The following ADGB variants were observed in gnomAD, a reference collection of about 807,000 sequenced individuals.
The protein encoded by ADGB is calpain-7-like protein.
A neutral mutation model predicts 210.5 loss-of-function variants in ADGB; 172 were observed. That is an observed-to-expected ratio of 0.82 (90% CI 0.72 to 0.93). The LOEUF (loss-of-function observed/expected upper bound fraction) is 0.93, where lower values mean the gene tolerates loss of function less well. ADGB is among the 40% of genes least tolerant of loss of function. The pLI, the probability that ADGB is intolerant of heterozygous loss-of-function variation, is 0.00. For missense variants in ADGB, 2,025 were observed against 1,964.8 expected, an observed-to-expected ratio of 1.03 and a Z score of -0.58; for synonymous variants, 658 against 662.7, an observed-to-expected ratio of 0.99 and a Z score of 0.11.
chr6:146,723,326 G>A lies in ADGB; in HGVS notation c.2096-860G>A, dbSNP rs78367702. 3.9e-5 allele frequency among the ~76,000 whole-genome samples: 6 copies of A among 152,220 alleles called. No individual in the cohort carries two copies. The East Asian group carries it at 9.6e-4, about 24-fold the overall frequency. On this transcript the variant is annotated intron_variant, in intron 17 of 35. Transcript: ENST00000397944. The stretch of plus-strand genomic sequence containing the variant: ...AATTATTTTGCCCTCAGTCATTGAT[G>A]AACAATTAGCCTATATTATTTATCC...
At chr6:146,599,166 A>C in intron 1 of ADGB, 52 bp downstream of exon 1, 8 of 1,490,904 alleles carry the variant, frequency 5.4e-6, no homozygotes, top group Non-Finnish European at 7.3e-6. Flanking sequence ...CCTCGACCTC[A>C]CCACTAGTTC....
intron 12 of ADGB, among the ~76,000 whole-genome samples, chr6:146,697,198 G>A (rs940804860): frequency 3.3e-5 from 5 of 152,164 alleles, no homozygotes; most frequent in African/African-American, 1.2e-4. Context: ...GTAAAGCTGG[G>A]TCTGAAGTTT....
At chr6:146,791,424 G>T (rs1288439903) in intron 33 of ADGB, among the ~76,000 whole-genome samples, 3 of 152,106 alleles carry the variant, frequency 2.0e-5, no homozygotes, top group Non-Finnish European at 4.4e-5. Flanking sequence ...GCTCGCTGCA[G>T]CCTCAACCTC....
chr6:146,658,850 C>T (rs1775818380), intron 5 of ADGB, among the ~76,000 whole-genome samples: 1 of 152,198 alleles, frequency 6.6e-6, no homozygotes, highest in East Asian at 1.9e-4. Context: ...GCTCCACTGG[C>T]TCCCTCTGTT....
At chr6:146,615,046 G>C (rs867236642) in intron 1 of ADGB, among the ~76,000 whole-genome samples, 1 of 150,852 alleles carries the variant, frequency 6.6e-6, no homozygotes, top group Non-Finnish European at 1.5e-5. Flanking sequence ...GACTACAGGC[G>C]CCCACCACCA....
At chr6:146,778,373 A>G (rs995275724) in intron 29 of ADGB, among the ~76,000 whole-genome samples, 1 of 152,188 alleles carries the variant, frequency 6.6e-6, no homozygotes, top group Non-Finnish European at 1.5e-5. Context: ...TGCCACCCCA[A>G]AGTTTATGGC....
intron 14 of ADGB, among the ~76,000 whole-genome samples, chr6:146,716,593 C>A (rs1468495564): frequency 9.7e-5 from 8 of 82,064 alleles, no homozygotes; most frequent in Non-Finnish European, 1.2e-4. Context: ...GAGCGAGACT[C>A]CGTCTCAAAA....
chr6:146,691,305 A>G lies in ADGB; in HGVS notation c.1486+15A>G. On this transcript the variant is annotated intron_variant, in intron 11 of 35. Transcript: ENST00000397944. The stretch of plus-strand genomic sequence containing the variant: ...TGAAGCTCAAGGTATGTATCACATC[A>G]TCTTCAAATCCTTCTAATTAATGTA... The G allele has an allele frequency of 6.6e-7, 1 of 1,517,666 alleles. No individual in the cohort carries two copies. Among genetic ancestry groups the G allele is most frequent in the East Asian group, 2.5e-5 (1 of 40,280 alleles). 94.0% of individuals were successfully genotyped at this position (1,517,666 alleles called of 1,614,324 possible).
chr6:146,716,649 A>G (rs1776740194), intron 14 of ADGB, among the ~76,000 whole-genome samples: 1 of 151,514 alleles, frequency 6.6e-6, no homozygotes, highest in African/African-American at 2.4e-5. Flanking sequence ...AATTCGTCAA[A>G]GTAATTCTGA....
At chr6:146,730,250 T>A (rs1296641638) in intron 20 of ADGB, among the ~76,000 whole-genome samples, 3 of 152,154 alleles carry the variant, frequency 2.0e-5, no homozygotes, top group Non-Finnish European at 4.4e-5. Flanking sequence ...TCTCCCAACC[T>A]AGATGACCTG....
chr6:146,808,279 C>T (rs554591550), intron 35 of ADGB, among the ~76,000 whole-genome samples: 59 of 152,254 alleles, frequency 3.9e-4, no homozygotes, highest in Non-Finnish European at 7.6e-4. Context: ...GGAATACAGG[C>T]GTGAGCCACC....
At chr6:146,640,710 ACC>A (rs1359967296) in intron 2 of ADGB, among the ~76,000 whole-genome samples, 4 of 152,138 alleles carry the variant, frequency 2.6e-5, no homozygotes, top group African/African-American at 9.6e-5. Context: ...AAAATTTGAC[ACC>A]CCTTCATGTA....
chr6:146,602,026 T>G (rs1022272672), intron 1 of ADGB, among the ~76,000 whole-genome samples: 1 of 152,344 alleles, frequency 6.6e-6, no homozygotes, highest in African/African-American at 2.4e-5. Context: ...TTCATATTCA[T>G]AAGTAAATAT....
chr6:146,786,091 C>T (rs1777868942), intron 32 of ADGB, among the ~76,000 whole-genome samples: 1 of 148,170 alleles, frequency 6.7e-6, no homozygotes. Context: ...TAAACAATAA[C>T]AAAAAGAAGT....
intron 6 of ADGB, among the ~76,000 whole-genome samples, chr6:146,665,829 T>A (rs1775931278): frequency 6.6e-6 from 1 of 152,080 alleles, no homozygotes; most frequent in South Asian, 2.1e-4. Context: ...TATATGAGGA[T>A]TAGCTTACTA....
In ADGB at chr6:146,796,281, T is replaced by A. The variant is rs149589669; in HGVS notation, c.4538-4902T>A. On this transcript the variant is annotated intron_variant, in intron 33 of 35. Coordinates refer to ENST00000397944, the MANE Select transcript of ADGB (RefSeq NM_024694.4). Reference sequence around the variant, plus strand: ...AATGACCATACTGCCAAAAGCAATCTACAAATTCAATGCAATTCCCATCAA... The same window carrying A: ...AATGACCATACTGCCAAAAGCAATCAACAAATTCAATGCAATTCCCATCAA... Among the ~76,000 whole-genome samples, 369 of 152,250 alleles carry A rather than the reference T, an allele frequency of 2.4e-3. 10 individuals carry two copies. The East Asian group carries it at 0.045, about 19-fold the overall frequency.
At chr6:146,759,122 C>A (rs936958596) in intron 27 of ADGB, among the ~76,000 whole-genome samples, 32 of 151,948 alleles carry the variant, frequency 2.1e-4, no homozygotes, top group African/African-American at 7.2e-4. Context: ...TGCAAAAAAT[C>A]TGTGTGTGTG....
At chr6:146,614,486 T>A (rs1780761618) in intron 1 of ADGB, among the ~76,000 whole-genome samples, 1 of 152,184 alleles carries the variant, frequency 6.6e-6, no homozygotes, top group Non-Finnish European at 1.5e-5. Context: ...TAGTTTGTAT[T>A]TTCCAGAATT....
intron 1 of ADGB, among the ~76,000 whole-genome samples, chr6:146,619,311 A>T (rs944829991): frequency 4.6e-5 from 7 of 152,134 alleles, no homozygotes; most frequent in Middle Eastern, 3.4e-3. Flanking sequence ...ATCATTTTTT[A>T]AAAATACATT....
Sources: allele counts gnomAD v4.1 joint callset (sites outside exome capture counted in the v4.1 genomes callset), GRCh38; gene constraint gnomAD v4.1.1; transcripts MANE v1.5; gene names NCBI Gene and HGNC (gene_info 2026-07-23, HGNC 2026-07-21).